Variants in ZNF433 observed in about 807,000 individuals in gnomAD.
ZNF433 encodes the protein zinc finger protein 433.
A neutral mutation model predicts 10.6 loss-of-function variants in ZNF433; 12 were observed. That is an observed-to-expected ratio of 1.13 (90% CI 0.72 to 1.83). The LOEUF is 1.83. Among genes scored for constraint, ZNF433 ranks in the 40% most tolerant of loss-of-function variants. The pLI is 0.00. For synonymous variants in ZNF433, 272 were observed against 271.3 expected (o/e 1.00, Z -0.02); for missense variants, 737 against 798.0 (o/e 0.92, Z 0.92).
intron 1 of ZNF433, among the ~76,000 whole-genome samples, chr19:12,031,951 T>C (rs1031290217): frequency 1.3e-5 from 2 of 150,936 alleles, no homozygotes; most frequent in African/African-American, 4.9e-5. Context: ...TTTTCTTTTT[T>C]TTTTTTTGAG....
rs760551703 is a variant in ZNF433 at position 12,015,920 on chromosome 19, C to A, written c.938G>T (p.Gly313Val). ...GEKPYECKECGKAFKCPSSVR... is the reference protein window; with the variant it reads ...GEKPYECKECVKAFKCPSSVR... ...AGAACTGGGACACTTGAATGCTTTT[C>A]CACATTCCTTACATTCATATGGCTT... The change falls in exon 4 of 4, where the codon GGA becomes GTA. Residue 313 changes from glycine (G) to valine (V), a missense_variant. Coordinates refer to ENST00000550507, the MANE Select transcript of ZNF433 (RefSeq NM_001308348.2). 11 of 1,613,894 alleles carry A rather than the reference C, an allele frequency of 6.8e-6. No individual in the cohort carries two copies. Among genetic ancestry groups the A allele is most frequent in the Non-Finnish European group, 8.5e-6 (10 of 1,179,972 alleles).
intron 1 of ZNF433, among the ~76,000 whole-genome samples, chr19:12,020,484 TA>T (rs1045810030): frequency 6.6e-6 from 1 of 152,124 alleles, no homozygotes; most frequent in African/African-American, 2.4e-5. Flanking sequence ...TTTATTAAAG[TA>T]AAAAATAATA....
At position 12,015,392 on chromosome 19, in the gene ZNF433, A is replaced by T; in HGVS notation, c.1466T>A (p.Leu489Ter). Residue 489 changes from leucine (L) to a stop codon, truncating the protein, a stop_gained, in exon 4 of 4, where the codon TTA (leucine) becomes TAA (stop). Coordinates refer to ENST00000550507, the MANE Select transcript of ZNF433 (RefSeq NM_001308348.2). LOFTEE classifies it low-confidence loss of function (END_TRUNC). ...GTGAGTCCTTTCATGTCTATGAAAT[A>T]AACTGGGCAAACTGAATGTTTTCCC... ...GYGKTFSLPS[L>*]FHRHERTHTG... is the part of the protein sequence containing the mutation. The T allele has an allele frequency of 6.2e-7, 1 of 1,614,114 alleles. No homozygotes were observed. The highest frequency in any genetic ancestry group is 8.5e-7 in the Non-Finnish European group (1 of 1,180,008).
intron 1 of ZNF433, among the ~76,000 whole-genome samples, chr19:12,022,624 G>T (rs1192632390): frequency 6.6e-6 from 1 of 152,190 alleles, no homozygotes. Context: ...AATGCCCGTG[G>T]TAAGAAGGGG....
chr19:12,018,496 G>C, intron 1 of ZNF433: 1 of 470,300 alleles, frequency 2.1e-6, no homozygotes, highest in Non-Finnish European at 3.4e-6. Context: ...TAAAGCAACA[G>C]TAGAATAGGA....
rs756783638 is a variant in ZNF433 at position 12,017,875 on chromosome 19, C to T, written c.191+1G>A. 6.3e-7 allele frequency: 1 copy of T among 1,580,068 alleles called. No individual in the cohort carries two copies. The highest frequency in any genetic ancestry group is 2.3e-5 in the East Asian group (1 of 43,782). The stretch of plus-strand genomic sequence containing the variant: ...GTCTTTGTCATGTGAGTGCAAGTTA[C>T]CTTAGGTTTCTCCTTAGATTTTCGT... On this transcript the variant is annotated splice_donor_variant, in intron 3 of 3. Coordinates refer to ENST00000550507, the MANE Select transcript of ZNF433 (RefSeq NM_001308348.2). LOFTEE classifies it high-confidence loss of function.
At chr19:12,019,069 A>AAAG (rs1360942420) in intron 1 of ZNF433, among the ~76,000 whole-genome samples, 1 of 151,028 alleles carries the variant, frequency 6.6e-6, no homozygotes, top group African/African-American at 2.4e-5. Flanking sequence ...AAAAAAAAAA[A>AAAG]AAAAAAAATT....
rs779268832 is a variant in ZNF433 at position 12,015,127 on chromosome 19, A to G, written c.1731T>C (p.His577=). Residue 577 remains histidine (H), a synonymous_variant, in exon 4 of 4, where the codon CAT becomes CAC. Coordinates refer to ENST00000550507, the MANE Select transcript of ZNF433 (RefSeq NM_001308348.2). The part of the protein sequence containing the change: ...AFGSASHLQM[H]GRTHTGEKPY... ...GTTTCTCTCCAGTGTGAGTCCTTCCATGCATTTGAAGGTGTGAGGCAGATC... is the reference window on the plus strand; with the variant it reads ...GTTTCTCTCCAGTGTGAGTCCTTCCGTGCATTTGAAGGTGTGAGGCAGATC... The G allele has an allele frequency of 2.5e-6, 4 of 1,614,060 alleles. No individual in the cohort carries two copies. The highest frequency in any genetic ancestry group is 3.4e-6 in the Non-Finnish European group (4 of 1,179,978).
chr19:12,016,619 C>CTGGGT lies in ZNF433; in HGVS notation c.238_239insACCCA (p.Gly80AspfsTer6). On this transcript the variant is annotated frameshift_variant, in exon 4 of 4. Coordinates refer to ENST00000550507, the MANE Select transcript of ZNF433 (RefSeq NM_001308348.2). LOFTEE classifies it low-confidence loss of function (END_TRUNC). Reference sequence around the variant, plus strand: ...ATCTGGAACCTGGGTCAAAATTTCTCCATGCTGATGACCTTCTTTACTTTC... The same window carrying CTGGGT: ...ATCTGGAACCTGGGTCAAAATTTCTCTGGGTCATGCTGATGACCTTCTTTACTTTC... 4 of 1,614,136 alleles carry CTGGGT rather than the reference C, an allele frequency of 2.5e-6. No individual in the cohort carries two copies. Among genetic ancestry groups the CTGGGT allele is most frequent in the Non-Finnish European group, 3.4e-6 (4 of 1,180,020 alleles).
chr19:12,024,815 C>T (rs1326874959), intron 1 of ZNF433: 7 of 152,110 alleles, frequency 4.6e-5, no homozygotes, highest in South Asian at 4.1e-4. Context: ...TGGATCAAAT[C>T]GCTACTATGA....
rs576420048 is a variant in ZNF433, at chr19:12,033,578, T to C, written c.3+1959A>G. On this transcript the variant is annotated intron_variant, in intron 1 of 3. Coordinates refer to ENST00000550507, the MANE Select transcript of ZNF433 (RefSeq NM_001308348.2). ...TGACTCACACCTGTAATCCCAGCAC[T>C]TTGGGAGGCCAAGGCGGGTGGATCA... is the stretch of plus-strand genomic sequence containing the variant. 5.9e-4 allele frequency among the ~76,000 whole-genome samples: 89 copies of C among 151,532 alleles called. 2 individuals carry two copies. The South Asian group carries it at 0.011, about 18-fold the overall frequency.
chr19:12,018,406 T>TTTTTTAATGATACGGC, intron 1 of ZNF433, 114 bp from the exon 2 acceptor site: 3 of 1,281,864 alleles, frequency 2.3e-6, no homozygotes, highest in South Asian at 3.7e-5. Context: ...AATTATTCCA[T>TTTTTTAATGATACGGC]GACCATCAGA....
In ZNF433 at chr19:12,015,252, A is replaced by G. The variant is rs1439085874; in HGVS notation, c.1606T>C (p.Cys536Arg). 1.2e-6 allele frequency: 2 copies of G among 1,613,736 alleles called. No individual in the cohort carries two copies. The highest frequency in any genetic ancestry group is 1.3e-5 in the African/African-American group (1 of 74,806). The change falls in exon 4 of 4, where the codon TGT (cysteine) becomes CGT (arginine). Residue 536 changes from cysteine to arginine, a missense_variant. By Grantham distance (180) the Cys-to-Arg change is radical. Coordinates refer to ENST00000550507, the MANE Select transcript of ZNF433 (RefSeq NM_001308348.2). The part of the protein sequence containing the change: ...TGEKPYECKQ[C>R]GKAFRSASQL... ...GAGGCAGATCTGAAGGCTTTTCCACATTGCTTGCATTCATAGGGTTTCTCT... is the reference window on the plus strand; with the variant it reads ...GAGGCAGATCTGAAGGCTTTTCCACGTTGCTTGCATTCATAGGGTTTCTCT...
At position 12,028,393 on chromosome 19, in the gene ZNF433, T is replaced by A. The variant is rs561649335; in HGVS notation, c.3+7144A>T. On this transcript the variant is annotated intron_variant, in intron 1 of 3. Coordinates refer to ENST00000550507, the MANE Select transcript of ZNF433 (RefSeq NM_001308348.2). ...ATCTGATATCAACTGCATAAAAAAA[T>A]GTAAAAATAAAATATACTGATAGGG... Among the ~76,000 whole-genome samples, 15 of 151,980 alleles carry A rather than the reference T, an allele frequency of 9.9e-5. 1 individual carries two copies. Among genetic ancestry groups the A allele is most frequent in the African/African-American group, 3.4e-4 (14 of 41,528 alleles).
intron 1 of ZNF433, chr19:12,025,571 T>C (rs1168522990): frequency 3.9e-5 from 6 of 152,256 alleles, no homozygotes; most frequent in Admixed American, 6.5e-5. Context: ...AAATGGTGCA[T>C]TCCTCATCTT....
At chr19:12,026,231 T>G (rs1227013607) in intron 1 of ZNF433, 2 of 160,974 alleles carry the variant, frequency 1.2e-5, no homozygotes, top group Non-Finnish European at 2.7e-5. Context: ...CATTGAGACA[T>G]CTAAAGCCTT....
intron 1 of ZNF433, among the ~76,000 whole-genome samples, chr19:12,031,890 A>C (rs898944504): frequency 4.6e-5 from 7 of 151,582 alleles, no homozygotes; most frequent in Non-Finnish European, 1.5e-5. Flanking sequence ...TAAAAAAAAA[A>C]AAAAAAAGTC....
At chr19:12,022,145 G>C (rs960156747) in intron 1 of ZNF433, 3 of 415,122 alleles carry the variant, frequency 7.2e-6, no homozygotes, top group Non-Finnish European at 1.5e-5. Flanking sequence ...ATGAAGGCAG[G>C]GAACACCTGG....
intron 1 of ZNF433, chr19:12,026,466 T>C (rs1167911204): frequency 3.0e-6 from 1 of 335,380 alleles, no homozygotes; most frequent in South Asian, 2.3e-5. Context: ...GTGATCACCA[T>C]TGCCATGAGT....
Sources: gnomAD v4.1 joint callset for allele counts (sites outside exome capture counted in the v4.1 genomes callset) on GRCh38, gnomAD v4.1.1 for gene constraint, MANE v1.5 for transcripts, NCBI Gene and HGNC (gene_info 2026-07-23, HGNC 2026-07-21) for gene names.